Variants in MELK observed in about 807,000 individuals in gnomAD.
The protein encoded by MELK is pEg3 kinase.
MELK carries 81 observed loss-of-function variants against 85.0 expected under a neutral mutation model. That is an observed-to-expected ratio of 0.95 (90% confidence interval 0.80 to 1.15). The LOEUF (loss-of-function observed/expected upper bound fraction) is 1.15. MELK is among the 50% of genes most tolerant of loss of function. The pLI is 0.00. For missense variants in MELK, 754 were observed against 777.5 expected (o/e 0.97, Z 0.36); for synonymous variants, 252 against 265.0 (o/e 0.95, Z 0.48).
In MELK at chr9:36,677,432, C is replaced by G. The variant is rs903283131; in HGVS notation, c.*95C>G. On this transcript the variant is annotated 3_prime_UTR_variant, in exon 18 of 18. Coordinates refer to ENST00000298048, the MANE Select transcript of MELK (RefSeq NM_014791.4). ...GCTTTGATTTTAAAGTTCATTGGAA[C>G]TACCAACTTGTTTCTAAAGAGCTAT... 1 of 1,169,736 alleles carries G rather than the reference C, an allele frequency of 8.5e-7. No homozygotes were observed. Among genetic ancestry groups the G allele is most frequent in the Admixed American group, 3.2e-5 (1 of 30,932 alleles). 72.5% of individuals were successfully genotyped at this position (1,169,736 alleles called of 1,614,324 possible). A position where few individuals can be genotyped will look rare whatever the true frequency, so the allele number is the denominator to read the frequency against.
intron 12 of MELK, among the ~76,000 whole-genome samples, 188 bp downstream of exon 12, chr9:36,652,065 G>A (rs200952674): frequency 1.1e-4 from 1 of 8,832 alleles, no homozygotes; most frequent in Non-Finnish European, 3.4e-4. Context: ...TTTTTTTTTT[G>A]AGATAGAGTC....
intron 10 of MELK, among the ~76,000 whole-genome samples, chr9:36,634,852 C>T (rs1459207790): frequency 6.6e-6 from 1 of 151,734 alleles, no homozygotes. Context: ...CAAAAATTAG[C>T]TGGGCGTGGT....
intron 14 of MELK, among the ~76,000 whole-genome samples, chr9:36,668,519 C>CT (rs1832595794): frequency 2.0e-5 from 3 of 149,886 alleles, no homozygotes; most frequent in East Asian, 1.9e-4. Flanking sequence ...GCTTACATCT[C>CT]TTTTTTTTTC....
intron 8 of MELK, among the ~76,000 whole-genome samples, chr9:36,622,387 T>TTGG (rs1827530750): frequency 6.6e-6 from 1 of 152,232 alleles, no homozygotes; most frequent in Admixed American, 6.5e-5. Flanking sequence ...TCCTCAGTTC[T>TTGG]TGGTTTGATT....
rs376318552 is a variant in MELK at position 36,657,383 on chromosome 9, A to G, written c.1176+20A>G. 1.3e-6 allele frequency: 2 copies of G among 1,583,338 alleles called. No individual in the cohort carries two copies. Among genetic ancestry groups the G allele is most frequent in the African/African-American group, 2.7e-5 (2 of 73,512 alleles). ...TCACAGGTTCGTCATTCTTATTACT[A>G]TTTAAGGCAGAATCTATTGTTTCAA... is the stretch of plus-strand genomic sequence containing the variant. On this transcript the variant is annotated intron_variant, in intron 13 of 17. Transcript: ENST00000298048.
At chr9:36,652,729 C>CAAAA (rs745699767) in intron 12 of MELK, among the ~76,000 whole-genome samples, 3 of 95,046 alleles carry the variant, frequency 3.2e-5, no homozygotes, top group African/African-American at 4.0e-5. Flanking sequence ...GACTCTGTCT[C>CAAAA]AAAAAAAAAA....
chr9:36,585,976 G>A (rs1218781025), intron 3 of MELK, among the ~76,000 whole-genome samples: 2 of 152,058 alleles, frequency 1.3e-5, no homozygotes, highest in Non-Finnish European at 2.9e-5. Context: ...GTTGGAATGA[G>A]ATAGGGCTTA....
At chr9:36,634,458 C>T (rs189913082) in intron 10 of MELK, among the ~76,000 whole-genome samples, 30 of 152,280 alleles carry the variant, frequency 2.0e-4, no homozygotes, top group African/African-American at 6.7e-4. Context: ...CACCTGTAAT[C>T]CCAGCACTTT....
intron 10 of MELK, among the ~76,000 whole-genome samples, chr9:36,637,062 G>T (rs1053660707): frequency 6.6e-6 from 1 of 151,898 alleles, no homozygotes; most frequent in African/African-American, 2.4e-5. Context: ...TCGATCTCCT[G>T]ACCTTGTTAT....
intron 6 of MELK, among the ~76,000 whole-genome samples, chr9:36,597,748 G>A (rs988843052): frequency 4.6e-5 from 7 of 152,186 alleles, no homozygotes; most frequent in African/African-American, 1.7e-4. Flanking sequence ...TTTAAAAGAA[G>A]GAAAAAGCCC....
chr9:36,580,771 C>T (rs1156326488), intron 1 of MELK, among the ~76,000 whole-genome samples: 1 of 151,226 alleles, frequency 6.6e-6, no homozygotes, highest in Non-Finnish European at 1.5e-5. Flanking sequence ...CTGTTTCGCC[C>T]AGGCTAGAGT....
At chr9:36,638,693 G>C (rs1327283386) in intron 10 of MELK, among the ~76,000 whole-genome samples, 1 of 152,154 alleles carries the variant, frequency 6.6e-6, no homozygotes, top group Non-Finnish European at 1.5e-5. Context: ...GTAAAATATA[G>C]GTAGAACTGT....
Position 36,583,155 on chromosome 9 carries a change from A to T in MELK, c.59-472A>T, listed in dbSNP as rs367977336. On this transcript the variant is annotated intron_variant, in intron 2 of 17. Coordinates refer to ENST00000298048, the MANE Select transcript of MELK (RefSeq NM_014791.4). Reference sequence around the variant, plus strand: ...TGCCAGGCTAATTTTTTGCATTTTTAGTAGAGACGGAGTTTCACTGTGTTA... The same window carrying T: ...TGCCAGGCTAATTTTTTGCATTTTTTGTAGAGACGGAGTTTCACTGTGTTA... Among the ~76,000 whole-genome samples the T allele has an allele frequency of 1.5e-3, 229 of 151,986 alleles. 1 individual carries two copies. In the East Asian group the frequency reaches 0.015, roughly 10 times the overall value.
intron 8 of MELK, among the ~76,000 whole-genome samples, chr9:36,608,277 C>CAAA (rs1161984583): frequency 7.7e-5 from 3 of 38,898 alleles, no homozygotes; most frequent in African/African-American, 7.1e-5. Context: ...GACTCTGTCT[C>CAAA]AAAAAAAAAA....
intron 1 of MELK, among the ~76,000 whole-genome samples, chr9:36,574,488 A>G (rs1821439034): frequency 6.6e-6 from 1 of 151,588 alleles, no homozygotes. Context: ...CTGTAATCCC[A>G]GCAACTGGGG....
At chr9:36,599,300 C>CAAAAA (rs34715003) in intron 6 of MELK, 94 bp from the exon 7 acceptor site, 114 of 379,326 alleles carry the variant, frequency 3.0e-4, no homozygotes, top group East Asian at 5.6e-4. Context: ...GACTCCGTCT[C>CAAAAA]AAAAAAAAAA....
rs751417909 is a variant in MELK at position 36,677,138 on chromosome 9, C to T, written c.1779-22C>T. The stretch of plus-strand genomic sequence containing the variant: ...AGAATATGGTTCTCCTACTAACTAG[C>T]TTCTTATCTTGTTTTTCACAGTTAT... On this transcript the variant is annotated intron_variant, in intron 17 of 17. Transcript: ENST00000298048. 1.2e-5 allele frequency: 19 copies of T among 1,603,582 alleles called. No homozygotes were observed. In the East Asian group the frequency reaches 3.4e-4, roughly 28 times the overall value.
chr9:36,619,974 AC>A (rs1335555267), intron 8 of MELK, among the ~76,000 whole-genome samples: 1 of 152,192 alleles, frequency 6.6e-6, no homozygotes, highest in African/African-American at 2.4e-5. Flanking sequence ...GTAATACTTA[AC>A]ATGCATGAGT....
chr9:36,643,008 C>T lies in MELK; in HGVS notation c.846C>T (p.Leu282=), dbSNP rs56115025. ...EWQSKNPFIH[L]DDDCVTELSV... ...ATTTTTTTTTGTAGTTTATTCACCTCGATGATGATTGCGTAACAGAACTTT... is the reference window on the plus strand; with the variant it reads ...ATTTTTTTTTGTAGTTTATTCACCTTGATGATGATTGCGTAACAGAACTTT... Residue 282 remains leucine (L), a synonymous_variant, in exon 11 of 18, where the codon CTC becomes CTT. Coordinates refer to ENST00000298048, the MANE Select transcript of MELK (RefSeq NM_014791.4). The T allele has an allele frequency of 3.4e-5, 54 of 1,607,524 alleles. No individual in the cohort carries two copies. Among genetic ancestry groups the T allele is most frequent in the African/African-American group, 8.0e-5 (6 of 74,574 alleles).
Sources: allele counts gnomAD v4.1 joint callset (sites outside exome capture counted in the v4.1 genomes callset), GRCh38; gene constraint gnomAD v4.1.1; transcripts MANE v1.5; gene names NCBI Gene and HGNC (gene_info 2026-07-23, HGNC 2026-07-21).